Variants in C12orf42 observed in about 807,000 individuals in gnomAD.
The protein encoded by C12orf42 is uncharacterized protein C12orf42.
Under a neutral mutation model 21.6 loss-of-function variants are expected in C12orf42, and 25 were observed. The ratio of observed to expected loss-of-function variants is 1.16; its 90% confidence interval spans 0.84 to 1.62. C12orf42 has a LOEUF of 1.62. C12orf42 is among the 40% of genes most tolerant of loss of function. The pLI, the probability that C12orf42 is intolerant of heterozygous loss-of-function variation, is 0.00. For synonymous variants in C12orf42, 174 were observed against 175.0 expected (o/e 0.99, Z 0.05); for missense variants, 483 against 459.3 (o/e 1.05, Z -0.47).
chr12:103,070,434 C>T, the C12orf42 span, among the ~76,000 whole-genome samples: 1 of 151,854 alleles, frequency 6.6e-6, no homozygotes, highest in Admixed American at 6.6e-5. Flanking sequence ...TTTGCAATTC[C>T]ATTTTCTCCA....
intron 4 of C12orf42, among the ~76,000 whole-genome samples, chr12:103,277,781 G>A (rs776571039): frequency 2.6e-5 from 4 of 151,904 alleles, no homozygotes; most frequent in Admixed American, 6.6e-5. Context: ...CAAAACGCCC[G>A]GCTAATTTTT....
At chr12:103,515,222 G>T in the C12orf42 span, among the ~76,000 whole-genome samples, 1 of 152,176 alleles carries the variant, frequency 6.6e-6, no homozygotes, top group African/African-American at 2.4e-5. Flanking sequence ...GAGTTGAATT[G>T]TCTTCCTTTT....
At chr12:103,423,855 T>A (rs908729499) in intron 2 of C12orf42, among the ~76,000 whole-genome samples, 1 of 152,218 alleles carries the variant, frequency 6.6e-6, no homozygotes, top group Non-Finnish European at 1.5e-5. Flanking sequence ...CCTGTAAAGA[T>A]AACAAGTTGA....
intron 2 of C12orf42, among the ~76,000 whole-genome samples, chr12:103,467,284 A>G (rs1953216820): frequency 6.6e-6 from 1 of 152,206 alleles, no homozygotes; most frequent in Non-Finnish European, 1.5e-5. Context: ...TTACATAACC[A>G]TTGTATATTG....
At chr12:103,077,683 A>G in the C12orf42 span, among the ~76,000 whole-genome samples, 30 of 152,172 alleles carry the variant, frequency 2.0e-4, no homozygotes, top group Non-Finnish European at 4.3e-4. Context: ...ATCTGGTGCC[A>G]GGCAGTCACT....
intron 4 of C12orf42, among the ~76,000 whole-genome samples, chr12:103,309,949 G>A (rs540700763): frequency 5.3e-5 from 8 of 152,210 alleles, no homozygotes; most frequent in Non-Finnish European, 8.8e-5. Flanking sequence ...GGATACCCTG[G>A]GGTGATATGT....
chr12:103,295,769 C>A (rs1304081952), intron 4 of C12orf42, among the ~76,000 whole-genome samples: 1 of 151,990 alleles, frequency 6.6e-6, no homozygotes, highest in African/African-American at 2.4e-5. Flanking sequence ...AATTTGGATA[C>A]CACTCTTACT....
In C12orf42 at chr12:103,330,421, A is replaced by G. The variant is rs546256122; in HGVS notation, c.260-24076T>C. Among the ~76,000 whole-genome samples the G allele has an allele frequency of 2.6e-5, 4 of 152,362 alleles. No homozygotes were observed. The East Asian group carries it at 7.7e-4, about 29-fold the overall frequency. On this transcript the variant is annotated intron_variant, in intron 4 of 5. Coordinates refer to ENST00000548883, the MANE Select transcript of C12orf42 (RefSeq NM_198521.5). Reference sequence around the variant, plus strand: ...TCCCAGCGGTACATACGGAATTCTAACAGGATTAGTCTCATTAGTCTCAAT... The same window carrying G: ...TCCCAGCGGTACATACGGAATTCTAGCAGGATTAGTCTCATTAGTCTCAAT...
rs868863386 is a variant in C12orf42, at chr12:103,294,428, G to A, written n.338-17218C>T. On this transcript the variant is annotated intron_variant and non_coding_transcript_variant, in intron 4 of 6. Coordinates refer to the C12orf42 transcript ENST00000546526. Reference sequence around the variant, plus strand: ...AAGAAAGAAAGAGAGAAAGGAGAGAGAGAAAGAAAGAAAGAAAGAAAGAAA... The same window carrying A: ...AAGAAAGAAAGAGAGAAAGGAGAGAAAGAAAGAAAGAAAGAAAGAAAGAAA... Among the ~76,000 whole-genome samples, 391 of 95,978 alleles carry A rather than the reference G, an allele frequency of 4.1e-3. 1 individual carries two copies. Among genetic ancestry groups the A allele is most frequent in the African/African-American group, 9.9e-3 (221 of 22,312 alleles). 63.0% of individuals were successfully genotyped at this position (95,978 alleles called of 152,430 possible). A position where few individuals can be genotyped will look rare whatever the true frequency, so the allele number is the denominator to read the frequency against.
chr12:103,458,348 T>C (rs1952454833), intron 2 of C12orf42, among the ~76,000 whole-genome samples: 1 of 152,170 alleles, frequency 6.6e-6, no homozygotes, highest in African/African-American at 2.4e-5. Flanking sequence ...ATAGTACTTT[T>C]CCAAGAATTC....
At chr12:103,489,539 G>C (rs1955054267) in intron 1 of C12orf42, among the ~76,000 whole-genome samples, 1 of 152,228 alleles carries the variant, frequency 6.6e-6, no homozygotes, top group South Asian at 2.1e-4. Flanking sequence ...CTTTTGTTCA[G>C]CTATGCCCTG....
the C12orf42 span, among the ~76,000 whole-genome samples, chr12:103,545,267 C>A: frequency 6.6e-6 from 1 of 152,158 alleles, no homozygotes; most frequent in Non-Finnish European, 1.5e-5. Context: ...AACTCTAGCA[C>A]GCATTCCAAG....
chr12:103,074,372 G>C, the C12orf42 span, among the ~76,000 whole-genome samples: 1 of 152,138 alleles, frequency 6.6e-6, no homozygotes, highest in Non-Finnish European at 1.5e-5. Flanking sequence ...GCGTACCATG[G>C]AGTAGAGTAG....
At chr12:103,249,837 C>CTT (rs1337953940) in intron 10 of C12orf42, among the ~76,000 whole-genome samples, 31 of 152,066 alleles carry the variant, frequency 2.0e-4, no homozygotes, top group African/African-American at 7.5e-4. Flanking sequence ...GTGAGCAAAC[C>CTT]AGTCAATCCT....
chr12:103,211,162 C>A, the C12orf42 span, among the ~76,000 whole-genome samples: 20 of 150,684 alleles, frequency 1.3e-4, no homozygotes, highest in African/African-American at 5.0e-4. Flanking sequence ...TCCTACAACA[C>A]CCTCTATTTC....
At chr12:103,190,222 G>A in the C12orf42 span, among the ~76,000 whole-genome samples, 1 of 152,190 alleles carries the variant, frequency 6.6e-6, no homozygotes, top group Non-Finnish European at 1.5e-5. Context: ...AAGGGCAGGA[G>A]GAGAAGAAGC....
intron 4 of C12orf42, among the ~76,000 whole-genome samples, chr12:103,308,718 G>T (rs2038631638): frequency 6.6e-6 from 1 of 152,194 alleles, no homozygotes; most frequent in Admixed American, 6.5e-5. Context: ...TATAAATTGT[G>T]TCCTCTAAAA....
At chr12:103,117,660 A>G in the C12orf42 span, among the ~76,000 whole-genome samples, 1 of 152,240 alleles carries the variant, frequency 6.6e-6, no homozygotes, top group African/African-American at 2.4e-5. Flanking sequence ...CCAGAATTAA[A>G]TAAGTGAAAA....
chr12:103,297,473 C>T (rs1265378404), downstream of C12orf42, among the ~76,000 whole-genome samples: 1 of 152,138 alleles, frequency 6.6e-6, no homozygotes, highest in Non-Finnish European at 1.5e-5. Context: ...AGCCTACCAA[C>T]CAAAAAAAAA....
Sources: gnomAD v4.1 joint callset for allele counts (sites outside exome capture counted in the v4.1 genomes callset) on GRCh38, gnomAD v4.1.1 for gene constraint, MANE v1.5 for transcripts, NCBI Gene and HGNC (gene_info 2026-07-23, HGNC 2026-07-21) for gene names.